Variants in FARP1 observed in about 807,000 individuals in gnomAD.
The protein encoded by FARP1 is FERM, ARHGEF and pleckstrin domain-containing protein 1.
A neutral mutation model predicts 128.8 loss-of-function variants in FARP1; 52 were observed. That is an observed-to-expected ratio of 0.40 (90% CI 0.32 to 0.51). FARP1 has a LOEUF of 0.51. Ranked by LOEUF, FARP1 falls within the 20% of genes least tolerant of loss-of-function variation. The probability of loss-of-function intolerance (pLI) is 0.45; values close to 1 mark genes in which losing one functional copy is unlikely to be tolerated. For synonymous variants in FARP1, 580 were observed against 551.8 expected (o/e 1.05, Z -0.72); for missense variants, 1,333 against 1,367.9 (o/e 0.97, Z 0.40).
chr13:98,298,619 T>A (rs1885799001), intron 2 of FARP1, among the ~76,000 whole-genome samples: 2 of 152,220 alleles, frequency 1.3e-5, no homozygotes, highest in Admixed American at 1.3e-4. Context: ...TTTGTTTTTG[T>A]CTCTGTGTTT....
At chr13:98,205,722 CT>C (rs1442609141) in intron 1 of FARP1, among the ~76,000 whole-genome samples, 1 of 152,112 alleles carries the variant, frequency 6.6e-6, no homozygotes, top group Non-Finnish European at 1.5e-5. Context: ...CTATTGCTTG[CT>C]TTTCTCAGTC....
At position 98,431,354 on chromosome 13, in the gene FARP1, C is replaced by T. The variant is rs548333716; in HGVS notation, c.2143+74C>T. ...CCGGGTGCTCCCAGACTGAGCCCAG[C>T]CAGGGAGGGGCTCCCCGGGGAGAGA... On this transcript the variant is annotated intron_variant, in intron 18 of 26. Coordinates refer to ENST00000319562, the MANE Select transcript of FARP1 (RefSeq NM_005766.4). The T allele has an allele frequency of 3.6e-5, 38 of 1,043,058 alleles. No homozygotes were observed. In the African/African-American group the frequency reaches 4.0e-4, roughly 11 times the overall value. 64.6% of individuals were successfully genotyped at this position (1,043,058 alleles called of 1,614,324 possible). A position where few individuals can be genotyped will look rare whatever the true frequency, so the allele number is the denominator to read the frequency against.
intron 2 of FARP1, among the ~76,000 whole-genome samples, chr13:98,290,543 G>C (rs1158767182): frequency 1.3e-5 from 2 of 152,100 alleles, no homozygotes; most frequent in African/African-American, 2.4e-5. Context: ...GGACAGTGTG[G>C]TATAGGGTTG....
intron 2 of FARP1, among the ~76,000 whole-genome samples, chr13:98,268,778 TTGTGTGTGTGTGTGTG>T (rs59132299): frequency 2.1e-4 from 31 of 148,282 alleles, no homozygotes; most frequent in African/African-American, 6.0e-4. Flanking sequence ...TTTCCCTTCT[TTGTGTGTGTGTGTGTG>T]TGTGTGTGTG....
intron 2 of FARP1, among the ~76,000 whole-genome samples, chr13:98,243,957 A>C (rs2139459531): frequency 6.6e-6 from 1 of 152,270 alleles, no homozygotes; most frequent in African/African-American, 2.4e-5. Flanking sequence ...CTATTACAAA[A>C]TAATTACAAA....
intron 2 of FARP1, among the ~76,000 whole-genome samples, chr13:98,337,587 G>T (rs1434130897): frequency 7.5e-6 from 1 of 133,840 alleles, no homozygotes; most frequent in East Asian, 2.1e-4. Flanking sequence ...GTGTGTGTGT[G>T]TTTTGAAATA....
chr13:98,173,452 T>C (rs1877786948), intron 1 of FARP1, among the ~76,000 whole-genome samples: 1 of 152,196 alleles, frequency 6.6e-6, no homozygotes. Flanking sequence ...GTCTTTGGAA[T>C]CCTAGGGGTT....
In FARP1 at chr13:98,210,367, C is replaced by T. The variant is rs550106033; in HGVS notation, c.-23-2853C>T. On this transcript the variant is annotated intron_variant, in intron 1 of 26. Transcript: ENST00000319562. ...TTTCATTGATTCTAATGGCTTTCAC[C>T]CTGAACCCATAGCCCAGACCCAGCC... 2.0e-5 allele frequency among the ~76,000 whole-genome samples: 3 copies of T among 152,068 alleles called. No homozygotes were observed. In the East Asian group the frequency reaches 5.8e-4, roughly 30 times the overall value.
intron 13 of FARP1, chr13:98,398,212 T>A (rs1394206698): frequency 6.6e-6 from 1 of 152,188 alleles, no homozygotes; most frequent in East Asian, 1.9e-4. Context: ...TTATACAGAC[T>A]TTTTTTGTTT....
intron 6 of FARP1, among the ~76,000 whole-genome samples, chr13:98,383,281 G>C (rs753970525): frequency 6.6e-5 from 10 of 152,336 alleles, no homozygotes; most frequent in Non-Finnish European, 1.5e-4. Flanking sequence ...CCCCATTTCT[G>C]TGCCATTTTC....
At chr13:98,187,182 T>G (rs1878935617) in intron 1 of FARP1, among the ~76,000 whole-genome samples, 1 of 152,158 alleles carries the variant, frequency 6.6e-6, no homozygotes. Flanking sequence ...TTTTTTGACC[T>G]GGAAACTAAT....
At chr13:98,386,619 C>T (rs1890108235) in intron 8 of FARP1, among the ~76,000 whole-genome samples, 3 of 152,278 alleles carry the variant, frequency 2.0e-5, no homozygotes, top group Admixed American at 2.0e-4. Context: ...AAAGGCTGTT[C>T]AGTACATTCC....
At chr13:98,298,662 A>T (rs1885801110) in intron 2 of FARP1, among the ~76,000 whole-genome samples, 1 of 152,052 alleles carries the variant, frequency 6.6e-6, no homozygotes, top group South Asian at 2.1e-4. Context: ...TTTCATCAGC[A>T]CTTCATTAAT....
chr13:98,285,850 T>A (rs1044540310), intron 2 of FARP1, among the ~76,000 whole-genome samples: 2 of 152,194 alleles, frequency 1.3e-5, no homozygotes, highest in Admixed American at 6.5e-5. Context: ...GAGTCAGTAT[T>A]TGCCAGAAAA....
At chr13:98,378,516 C>G (rs1458852950) in intron 6 of FARP1, among the ~76,000 whole-genome samples, 1 of 152,140 alleles carries the variant, frequency 6.6e-6, no homozygotes, top group Admixed American at 6.5e-5. Flanking sequence ...AAAATATACA[C>G]ATTATGTTTC....
rs144954942 is a variant in FARP1, at chr13:98,235,888, A to T, written c.171+22475A>T. Among the ~76,000 whole-genome samples, 1,249 of 139,298 alleles carry T rather than the reference A, an allele frequency of 9.0e-3. 5 individuals carry two copies. Among genetic ancestry groups the T allele is most frequent in the Non-Finnish European group, 0.014 (884 of 65,038 alleles). The allele number at this position is 139,298 out of a possible 152,430, so 91.4% of individuals were successfully genotyped here. On this transcript the variant is annotated intron_variant, in intron 2 of 26. Transcript: ENST00000319562. ...GCCCAGGCTGGAATGTAATGGTGTG[A>T]TCTCGGCTCACGGCAACCTCCGCCT... is the stretch of plus-strand genomic sequence containing the variant.
intron 3 of FARP1, among the ~76,000 whole-genome samples, chr13:98,350,531 T>C (rs1888373166): frequency 6.6e-6 from 1 of 152,110 alleles, no homozygotes; most frequent in South Asian, 2.1e-4. Flanking sequence ...TAGGCTTCAC[T>C]CTTGCTGTTG....
chr13:98,438,956 A>G lies in FARP1; in HGVS notation c.2343+84A>G, dbSNP rs777000178. The G allele has an allele frequency of 4.0e-6, 6 of 1,500,028 alleles. No individual in the cohort carries two copies. The Admixed American group carries it at 8.4e-5, about 21-fold the overall frequency. The allele number at this position is 1,500,028 out of a possible 1,614,324, so 92.9% of individuals were successfully genotyped here. A position where few individuals can be genotyped will look rare whatever the true frequency, so the allele number is the denominator to read the frequency against. ...CCCAAGGCCGGACCTCGGCCACCCA[A>G]GTGAGGGACCTGGGGTAGAGGAAGA... On this transcript the variant is annotated intron_variant, in intron 20 of 26. Coordinates refer to ENST00000319562, the MANE Select transcript of FARP1 (RefSeq NM_005766.4).
At chr13:98,246,218 C>G (rs1379260943) in intron 2 of FARP1, among the ~76,000 whole-genome samples, 2 of 149,888 alleles carry the variant, frequency 1.3e-5, no homozygotes, top group African/African-American at 2.5e-5. Flanking sequence ...GCCTCAGCCT[C>G]CCGAGTAGCT....
Sources: gnomAD v4.1 joint callset for allele counts (sites outside exome capture counted in the v4.1 genomes callset) on GRCh38, gnomAD v4.1.1 for gene constraint, MANE v1.5 for transcripts, NCBI Gene and HGNC (gene_info 2026-07-23, HGNC 2026-07-21) for gene names.